CHN2: variants seen among roughly 807,000 people sequenced by gnomAD.
CHN2 encodes the protein beta-chimaerin.
CHN2 carries 35 observed loss-of-function variants against 56.3 expected under a neutral mutation model. The ratio of observed to expected loss-of-function variants is 0.62; its 90% CI spans 0.47 to 0.82. The LOEUF (loss-of-function observed/expected upper bound fraction) is 0.82. Ranked by LOEUF, CHN2 falls within the 40% of genes least tolerant of loss-of-function variation. The pLI is 0.00. For synonymous variants in CHN2, 210 were observed against 212.8 expected (o/e 0.99, Z 0.12); for missense variants, 491 against 580.5 (o/e 0.85, Z 1.58).
chr7:29,244,376 A>G (rs573030788), intron 1 of CHN2, among the ~76,000 whole-genome samples: 8 of 152,316 alleles, frequency 5.3e-5, no homozygotes, highest in African/African-American at 1.4e-4. Context: ...TACTCTTGTA[A>G]GTGACTGAGT....
In CHN2 at chr7:29,371,906, C is replaced by T. The variant is rs1799645076; in HGVS notation, c.144+3919C>T. ...TGGTTTGGGCCATTGTCATTTCTTG[C>T]CTGGATTTCATTGCAGGTAAAGAGC... On this transcript the variant is annotated intron_variant, in intron 3 of 12. Transcript: ENST00000222792. 2.0e-5 allele frequency among the ~76,000 whole-genome samples: 3 copies of T among 152,226 alleles called. No individual in the cohort carries two copies. In the South Asian group the frequency reaches 6.2e-4, roughly 32 times the overall value.
rs1783430377 is a variant in CHN2, at chr7:29,194,830, A to G, written c.-112A>G. The G allele has an allele frequency of 3.0e-6, 3 of 991,966 alleles. No individual in the cohort carries two copies. Among genetic ancestry groups the G allele is most frequent in the African/African-American group, 3.4e-5 (2 of 58,144 alleles). The allele number at this position is 991,966 out of a possible 1,614,324, so 61.4% of individuals were successfully genotyped here. On this transcript the variant is annotated 5_prime_UTR_variant, in exon 1 of 13. Transcript: ENST00000222792. Reference sequence around the variant, plus strand: ...AGGCTGGTGCTTTCTGCGCGTCCCCAGGACTTTGCCATGGGCTGGGGGCCG... The same window carrying G: ...AGGCTGGTGCTTTCTGCGCGTCCCCGGGACTTTGCCATGGGCTGGGGGCCG...
At chr7:29,361,605 C>T (rs749498486) in intron 2 of CHN2, among the ~76,000 whole-genome samples, 1 of 152,190 alleles carries the variant, frequency 6.6e-6, no homozygotes, top group South Asian at 2.1e-4. Flanking sequence ...TCCAAGTCGC[C>T]CCTGGCTGGG....
At chr7:29,468,061 G>A (rs891102993) in intron 6 of CHN2, among the ~76,000 whole-genome samples, 1 of 150,040 alleles carries the variant, frequency 6.7e-6, no homozygotes, top group African/African-American at 2.5e-5. Context: ...AGCAGGTATA[G>A]GTCATTATAG....
chr7:29,164,933 T>C (rs1795715223), intron 2 of CHN2, among the ~76,000 whole-genome samples: 1 of 152,178 alleles, frequency 6.6e-6, no homozygotes, highest in Admixed American at 6.5e-5. Flanking sequence ...AATACCACAC[T>C]GTCTTGATTA....
intron 1 of CHN2, among the ~76,000 whole-genome samples, chr7:29,320,652 G>C (rs1219268989): frequency 6.6e-6 from 1 of 152,154 alleles, no homozygotes; most frequent in Non-Finnish European, 1.5e-5. Context: ...ATTAATGACT[G>C]TTCCCAAATC....
chr7:29,317,186 G>A (rs571403822), intron 1 of CHN2, among the ~76,000 whole-genome samples: 18 of 152,210 alleles, frequency 1.2e-4, no homozygotes, highest in Non-Finnish European at 2.1e-4. Flanking sequence ...GATAGGGAAG[G>A]AGGAAGTAAT....
chr7:29,357,870 C>T (rs1356156133), intron 2 of CHN2, among the ~76,000 whole-genome samples: 3 of 152,114 alleles, frequency 2.0e-5, no homozygotes, highest in Non-Finnish European at 4.4e-5. Flanking sequence ...TTGGTAAACC[C>T]GTTGTGAACC....
At chr7:29,321,680 C>T (rs1050793759) in intron 1 of CHN2, among the ~76,000 whole-genome samples, 5 of 151,260 alleles carry the variant, frequency 3.3e-5, no homozygotes, top group East Asian at 3.9e-4. Flanking sequence ...AAGTAATTCT[C>T]CTGCCTCAGC....
intron 4 of CHN2, chr7:29,397,088 G>C (rs1801818281): frequency 6.6e-6 from 1 of 152,232 alleles, no homozygotes; most frequent in African/African-American, 2.4e-5. Flanking sequence ...CAAAATTTGG[G>C]AAGCCAGAAA....
chr7:29,483,703 C>G (rs879818390), intron 7 of CHN2: 5 of 377,598 alleles, frequency 1.3e-5, no homozygotes, highest in Non-Finnish European at 1.9e-5. Flanking sequence ...GAACAGCTCT[C>G]TTTTGAATGG....
intron 12 of CHN2, among the ~76,000 whole-genome samples, chr7:29,510,648 C>T (rs1259930886): frequency 6.6e-6 from 1 of 152,090 alleles, no homozygotes; most frequent in African/African-American, 2.4e-5. Flanking sequence ...AGGCTTCTCT[C>T]AGAACAAAAA....
At chr7:29,382,084 T>C (rs1245551563) in intron 3 of CHN2, among the ~76,000 whole-genome samples, 1 of 152,316 alleles carries the variant, frequency 6.6e-6, no homozygotes, top group East Asian at 1.9e-4. Flanking sequence ...TGGGTAATCA[T>C]GAGGATCGAC....
Position 29,322,544 on chromosome 7 carries a change from T to A in CHN2, c.50-32081T>A, listed in dbSNP as rs1205633482. On this transcript the variant is annotated intron_variant, in intron 1 of 12. Coordinates refer to ENST00000222792, the MANE Select transcript of CHN2 (RefSeq NM_004067.4). Reference sequence around the variant, plus strand: ...TATTGTGAAGATAAAAAGCAATAATTGGTGTGAAAATGCCCTGAGCTCCAT... The same window carrying A: ...TATTGTGAAGATAAAAAGCAATAATAGGTGTGAAAATGCCCTGAGCTCCAT... Among the ~76,000 whole-genome samples the A allele has an allele frequency of 5.9e-5, 9 of 152,292 alleles. No homozygotes were observed. The East Asian group carries it at 1.4e-3, about 23-fold the overall frequency.
chr7:29,211,178 C>G (rs1337770402), intron 1 of CHN2, among the ~76,000 whole-genome samples: 1 of 151,940 alleles, frequency 6.6e-6, no homozygotes, highest in Non-Finnish European at 1.5e-5. Context: ...TCACGCCATT[C>G]TCCTGCCTCA....
chr7:29,197,815 C>G (rs1266004524), intron 1 of CHN2: 1 of 397,584 alleles, frequency 2.5e-6, no homozygotes, highest in South Asian at 1.9e-5. Context: ...AAAACAAATT[C>G]TGTGGAGAAG....
intron 6 of CHN2, among the ~76,000 whole-genome samples, chr7:29,474,216 TTTAA>T (rs1786398887): frequency 6.6e-6 from 1 of 152,210 alleles, no homozygotes; most frequent in Admixed American, 6.5e-5. Flanking sequence ...TAAATGTTCT[TTTAA>T]TTGTCTTTGT....
At chr7:29,331,111 C>CA (rs1029923484) in intron 1 of CHN2, among the ~76,000 whole-genome samples, 1 of 152,106 alleles carries the variant, frequency 6.6e-6, no homozygotes, top group Non-Finnish European at 1.5e-5. Context: ...CAGATCACTA[C>CA]AAAAAATAAA....
chr7:29,203,083 CTA>C (rs1414974020), intron 1 of CHN2, among the ~76,000 whole-genome samples: 2 of 152,198 alleles, frequency 1.3e-5, no homozygotes, highest in Admixed American at 1.3e-4. Flanking sequence ...AAAATTCACA[CTA>C]GAGTTCAAAC....
Sources: allele counts gnomAD v4.1 joint callset (sites outside exome capture counted in the v4.1 genomes callset), GRCh38; gene constraint gnomAD v4.1.1; transcripts MANE v1.5; gene names NCBI Gene and HGNC (gene_info 2026-07-23, HGNC 2026-07-21).